Variants in SYNPR observed in about 807,000 individuals in gnomAD.
The protein encoded by SYNPR is synaptoporin.
In SYNPR, 23 loss-of-function variants were observed where a neutral mutation model predicts 32.9. That is an observed-to-expected ratio of 0.70 (90% CI 0.50 to 0.99). SYNPR has a LOEUF of 0.99. Ranked by LOEUF, SYNPR falls within the 50% of genes least tolerant of loss-of-function variation. SYNPR has a pLI of 0.00. For synonymous variants in SYNPR, 146 were observed against 135.9 expected, an observed-to-expected ratio of 1.07 and a Z score of -0.52; for missense variants, 318 against 349.3, an observed-to-expected ratio of 0.91 and a Z score of 0.71.
intron 3 of SYNPR, among the ~76,000 whole-genome samples, chr3:63,510,855 A>C (rs924636146): frequency 1.3e-5 from 2 of 152,020 alleles, no homozygotes; most frequent in Non-Finnish European, 2.9e-5. Flanking sequence ...GTAAGTATCC[A>C]AGACTTCTGC....
At chr3:63,515,653 G>T (rs1246228279) in intron 3 of SYNPR, among the ~76,000 whole-genome samples, 10 of 152,070 alleles carry the variant, frequency 6.6e-5, no homozygotes, top group Admixed American at 2.0e-4. Flanking sequence ...TAAGACATGT[G>T]TATTGTAAAT....
intron 2 of SYNPR, among the ~76,000 whole-genome samples, chr3:63,408,421 T>C (rs1423285889): frequency 2.0e-5 from 3 of 151,920 alleles, no homozygotes; most frequent in Admixed American, 6.6e-5. Context: ...GCTCATGTGA[T>C]CATGGAGGCT....
intron 2 of SYNPR, among the ~76,000 whole-genome samples, chr3:63,351,039 A>G (rs1429618782): frequency 6.6e-6 from 1 of 151,758 alleles, no homozygotes; most frequent in Non-Finnish European, 1.5e-5. Context: ...GCTTTCTTGC[A>G]TTTTTTTTCT....
At chr3:63,426,793 T>G (rs541914545) in intron 2 of SYNPR, 2 of 151,514 alleles carry the variant, frequency 1.3e-5, no homozygotes, top group East Asian at 3.9e-4. Context: ...CTGTTGTGCC[T>G]ATCAATAAAG....
chr3:63,486,019 A>G (rs888070713), intron 3 of SYNPR, among the ~76,000 whole-genome samples: 2 of 152,160 alleles, frequency 1.3e-5, no homozygotes, highest in Non-Finnish European at 2.9e-5. Flanking sequence ...GTTTATTCTC[A>G]TGCCTCAGCT....
At chr3:63,222,132 C>T in the SYNPR span, among the ~76,000 whole-genome samples, 2,197 of 146,528 alleles carry the variant, frequency 0.015, 56 homozygotes, top group African/African-American at 0.052. Context: ...ACCCTTTAAG[C>T]AACACATTCT....
chr3:63,335,770 T>A (rs1442820413), intron 2 of SYNPR, among the ~76,000 whole-genome samples: 1 of 84,854 alleles, frequency 1.2e-5, no homozygotes, highest in African/African-American at 3.5e-5. Context: ...AGCTTCCTTT[T>A]TTTTTTTTTT....
intron 1 of SYNPR, among the ~76,000 whole-genome samples, chr3:63,249,554 A>G (rs1030176309): frequency 6.6e-6 from 1 of 152,108 alleles, no homozygotes; most frequent in African/African-American, 2.4e-5. Context: ...TAGAAGAAAG[A>G]GTGGGAGGGG....
intron 2 of SYNPR, among the ~76,000 whole-genome samples, chr3:63,454,062 T>C (rs1700433148): frequency 6.6e-6 from 1 of 152,140 alleles, no homozygotes. Flanking sequence ...ATTCAGTAAA[T>C]GTTTATTAAT....
intron 2 of SYNPR, among the ~76,000 whole-genome samples, chr3:63,406,238 G>A (rs138801707): frequency 6.6e-6 from 1 of 150,804 alleles, no homozygotes; most frequent in Non-Finnish European, 1.5e-5. Context: ...GCCCTGTATA[G>A]TTTTCAGGAC....
intron 2 of SYNPR, among the ~76,000 whole-genome samples, chr3:63,446,484 A>AT (rs1473233684): frequency 6.6e-6 from 1 of 152,062 alleles, no homozygotes; most frequent in Non-Finnish European, 1.5e-5. Context: ...TGGGCTCCCC[A>AT]TTTTAAATCC....
intron 2 of SYNPR, among the ~76,000 whole-genome samples, chr3:63,313,423 C>G (rs995422895): frequency 6.6e-6 from 1 of 151,496 alleles, no homozygotes; most frequent in African/African-American, 2.4e-5. Flanking sequence ...CCTTTGCATC[C>G]TCATAGCTTA....
chr3:63,529,255 A>T (rs1177429175), intron 3 of SYNPR, among the ~76,000 whole-genome samples: 1 of 152,246 alleles, frequency 6.6e-6, no homozygotes. Context: ...ATCCTCCCAT[A>T]ACCTTTAAAT....
chr3:63,534,573 G>T (rs1174635318), intron 3 of SYNPR, among the ~76,000 whole-genome samples: 1 of 152,118 alleles, frequency 6.6e-6, no homozygotes, highest in Non-Finnish European at 1.5e-5. Flanking sequence ...TAATTTATAA[G>T]AACCTGTCAG....
At chr3:63,408,303 GGAAGGAAGGAAGGAAGGAAAGAAAGAAA>G (rs1383006102) in intron 2 of SYNPR, among the ~76,000 whole-genome samples, 2 of 92,554 alleles carry the variant, frequency 2.2e-5, no homozygotes, top group African/African-American at 6.3e-5. Context: ...AAGGAAGGAA[GGAAGGAAGGAAGGAAGGAAAGAAAGAAA>G]GAAAGAAAGA....
intron 2 of SYNPR, among the ~76,000 whole-genome samples, chr3:63,385,269 C>T (rs2088025141): frequency 6.6e-6 from 1 of 152,192 alleles, no homozygotes; most frequent in South Asian, 2.1e-4. Context: ...CTCCTTCCCG[C>T]CCTGCTTCCT....
intron 4 of SYNPR, among the ~76,000 whole-genome samples, chr3:63,572,278 T>C (rs962993819): frequency 1.3e-5 from 2 of 151,782 alleles, no homozygotes; most frequent in Non-Finnish European, 2.9e-5. Context: ...TTCTTCTCCT[T>C]CTCCTCCTCC....
At chr3:63,289,611 G>C (rs2086719155) in intron 2 of SYNPR, 1 of 152,012 alleles carries the variant, frequency 6.6e-6, no homozygotes, top group Non-Finnish European at 1.5e-5. Flanking sequence ...TATTCTAGAG[G>C]GATCTGCCCC....
upstream of SYNPR, among the ~76,000 whole-genome samples, chr3:63,225,215 G>A (rs143912294): frequency 1.4e-3 from 212 of 152,316 alleles, no homozygotes; most frequent in African/African-American, 4.7e-3. Context: ...GTGTGTTATT[G>A]ACACAGCATC....
Sources: gnomAD v4.1 joint callset for allele counts (sites outside exome capture counted in the v4.1 genomes callset) on GRCh38, gnomAD v4.1.1 for gene constraint, MANE v1.5 for transcripts, NCBI Gene and HGNC (gene_info 2026-07-23, HGNC 2026-07-21) for gene names.